Variants in SGCZ observed in about 807,000 individuals in gnomAD.
SGCZ encodes sarcoglycan zeta.
SGCZ carries 40 observed loss-of-function variants against 41.3 expected under a neutral mutation model. That is an observed-to-expected ratio of 0.97 (90% CI 0.75 to 1.26). SGCZ has a LOEUF of 1.26. SGCZ is among the 50% of genes most tolerant of loss of function. The probability of loss-of-function intolerance (pLI) is 0.00; values close to 1 mark genes in which losing one functional copy is unlikely to be tolerated. For synonymous variants in SGCZ, 206 were observed against 137.5 expected (o/e 1.50, Z -3.49); for missense variants, 552 against 369.8 (o/e 1.49, Z -4.04).
chr8:14,550,414 A>G (rs1056616494), intron 2 of SGCZ, among the ~76,000 whole-genome samples: 2 of 151,306 alleles, frequency 1.3e-5, no homozygotes, highest in African/African-American at 4.8e-5. Context: ...TAAAAGCAGG[A>G]AAAGTATTCA....
chr8:14,880,836 G>C (rs575441803), intron 1 of SGCZ, among the ~76,000 whole-genome samples: 1 of 152,180 alleles, frequency 6.6e-6, no homozygotes, highest in Admixed American at 6.5e-5. Flanking sequence ...ATAGCATTAG[G>C]AGATATATAC....
At chr8:15,048,944 T>C (rs1485898097) in intron 1 of SGCZ, among the ~76,000 whole-genome samples, 1 of 152,096 alleles carries the variant, frequency 6.6e-6, no homozygotes, top group Non-Finnish European at 1.5e-5. Flanking sequence ...CTATCCCAAA[T>C]AAAATTGACC....
At chr8:14,601,568 C>T (rs563390284) in intron 1 of SGCZ, among the ~76,000 whole-genome samples, 60 of 152,132 alleles carry the variant, frequency 3.9e-4, no homozygotes, top group African/African-American at 1.4e-3. Context: ...CTTCCCTGAA[C>T]CTGTTCTAAT....
At position 14,697,135 on chromosome 8, in the gene SGCZ, A is replaced by G. The variant is rs891628515; in HGVS notation, c.40-142209T>C. ...CATCTCCCTGGTATAACAAAACATT[A>G]TATTCTAAAAATAAAATAATAATGG... On this transcript the variant is annotated intron_variant, in intron 1 of 7. Coordinates refer to ENST00000382080, the MANE Select transcript of SGCZ (RefSeq NM_139167.4). 4.1e-4 allele frequency among the ~76,000 whole-genome samples: 63 copies of G among 152,040 alleles called. 2 individuals are homozygous for G. The highest frequency in any genetic ancestry group is 4.0e-3 in the Admixed American group (61 of 15,236).
At chr8:14,649,427 G>C (rs542696831) in intron 1 of SGCZ, among the ~76,000 whole-genome samples, 3 of 152,178 alleles carry the variant, frequency 2.0e-5, no homozygotes, top group African/African-American at 7.2e-5. Flanking sequence ...CTTCCTGTTT[G>C]AAATACAGAC....
intron 3 of SGCZ, among the ~76,000 whole-genome samples, chr8:14,315,110 T>G (rs1801671632): frequency 6.6e-6 from 1 of 152,222 alleles, no homozygotes; most frequent in South Asian, 2.1e-4. Flanking sequence ...AAGAAGTGAC[T>G]TGAGGTTTGA....
chr8:14,216,969 G>A (rs1359085130), intron 4 of SGCZ, among the ~76,000 whole-genome samples: 1 of 152,112 alleles, frequency 6.6e-6, no homozygotes, highest in Non-Finnish European at 1.5e-5. Context: ...GTGACCCAAG[G>A]CCACATATGT....
At chr8:14,750,517 T>C (rs1799466094) in intron 1 of SGCZ, among the ~76,000 whole-genome samples, 1 of 152,272 alleles carries the variant, frequency 6.6e-6, no homozygotes, top group Non-Finnish European at 1.5e-5. Context: ...GTGTCACTTT[T>C]ATTATCATGG....
At chr8:14,872,127 A>T (rs1804179723) in intron 1 of SGCZ, among the ~76,000 whole-genome samples, 1 of 151,954 alleles carries the variant, frequency 6.6e-6, no homozygotes, top group Non-Finnish European at 1.5e-5. Context: ...ATGAGAACAT[A>T]TGGAAACAGG....
intron 2 of SGCZ, among the ~76,000 whole-genome samples, chr8:14,338,921 T>C: frequency 6.6e-6 from 1 of 152,172 alleles, no homozygotes. Context: ...TCATTGGTCC[T>C]CCTGGCTTCA....
intron 1 of SGCZ, among the ~76,000 whole-genome samples, chr8:15,078,532 C>G (rs1805628425): frequency 6.6e-6 from 1 of 151,982 alleles, no homozygotes; most frequent in South Asian, 2.1e-4. Context: ...TGTGATATCT[C>G]CCAGATATAC....
chr8:14,784,087 G>C (rs1265186379), intron 1 of SGCZ, among the ~76,000 whole-genome samples: 1 of 147,852 alleles, frequency 6.8e-6, no homozygotes, highest in Admixed American at 6.8e-5. Flanking sequence ...GTCGCTCTCT[G>C]GCTTCCAGGC....
chr8:15,078,349 A>C (rs1053918044), intron 1 of SGCZ, among the ~76,000 whole-genome samples: 1 of 147,448 alleles, frequency 6.8e-6, no homozygotes, highest in South Asian at 2.1e-4. Flanking sequence ...CCTAAGAGTC[A>C]CTCTCCCTCT....
chr8:15,132,302 G>A (rs1353242065), intron 1 of SGCZ, among the ~76,000 whole-genome samples: 2 of 152,206 alleles, frequency 1.3e-5, no homozygotes, highest in East Asian at 1.9e-4. Context: ...TAGACACTGT[G>A]TATGTAATGC....
In SGCZ at chr8:14,611,514, T is replaced by A. The variant is rs1005724194; in HGVS notation, c.40-56588A>T. On this transcript the variant is annotated intron_variant, in intron 1 of 7. Coordinates refer to ENST00000382080, the MANE Select transcript of SGCZ (RefSeq NM_139167.4). ...ATACAAATCAATAATCAGTAATACA[T>A]AAATAAAATTAACATGAATTAATGA... Among the ~76,000 whole-genome samples, 2 of 152,146 alleles carry A rather than the reference T, an allele frequency of 1.3e-5. 1 individual carries two copies. The highest frequency in any genetic ancestry group is 3.9e-4 in the East Asian group (2 of 5,190).
intron 1 of SGCZ, among the ~76,000 whole-genome samples, chr8:15,193,722 T>C (rs1800617011): frequency 6.6e-6 from 1 of 151,430 alleles, no homozygotes; most frequent in African/African-American, 2.5e-5. Context: ...GTAGCTACTG[T>C]TGAGTTGTAA....
At chr8:14,644,970 A>G (rs1807158910) in intron 1 of SGCZ, among the ~76,000 whole-genome samples, 1 of 150,408 alleles carries the variant, frequency 6.6e-6, no homozygotes, top group African/African-American at 2.4e-5. Flanking sequence ...AAAGTCTCCA[A>G]CGTTACTCGT....
intron 2 of SGCZ, among the ~76,000 whole-genome samples, chr8:14,431,201 T>C (rs1799933292): frequency 6.6e-6 from 1 of 152,002 alleles, no homozygotes; most frequent in Non-Finnish European, 1.5e-5. Flanking sequence ...CTAAAATTCA[T>C]ATGGAATCAA....
At chr8:14,545,951 G>C (rs1277639307) in intron 2 of SGCZ, among the ~76,000 whole-genome samples, 1 of 151,982 alleles carries the variant, frequency 6.6e-6, no homozygotes, top group Non-Finnish European at 1.5e-5. Flanking sequence ...CTTATCACTT[G>C]GTAGTTGTTT....
Sources: gnomAD v4.1 joint callset for allele counts (sites outside exome capture counted in the v4.1 genomes callset) on GRCh38, gnomAD v4.1.1 for gene constraint, MANE v1.5 for transcripts, NCBI Gene and HGNC (gene_info 2026-07-23, HGNC 2026-07-21) for gene names.